TASOR2: variants seen among roughly 807,000 people sequenced by gnomAD.
TASOR2 encodes the protein transcription activation suppressor family member 2.
Under a neutral mutation model 199.5 loss-of-function variants are expected in TASOR2, and 84 were observed. The ratio of observed to expected loss-of-function variants is 0.42; its 90% CI spans 0.35 to 0.50. The LOEUF (loss-of-function observed/expected upper bound fraction) is 0.50, where lower values mean the gene tolerates loss of function less well. TASOR2 is among the 20% of genes least tolerant of loss of function. The pLI is 0.02. For synonymous variants in TASOR2, 1,103 were observed against 1,046.6 expected (o/e 1.05, Z -1.04); for missense variants, 2,796 against 2,835.9 (o/e 0.99, Z 0.32).
chr10:5,758,881 T>C lies in TASOR2; in HGVS notation c.6887-6T>C, dbSNP rs373485450. On this transcript the variant is annotated splice_polypyrimidine_tract_variant and splice_region_variant and intron_variant, in intron 17 of 20. Transcript: ENST00000328090. ...ATCTTCTTTTGCTACATTTATTGTT[T>C]TGTAGTTCAACTGAAGGAAATTATC... is the stretch of plus-strand genomic sequence containing the variant. 6.3e-7 allele frequency: 1 copy of C among 1,595,014 alleles called. No homozygotes were observed. The highest frequency in any genetic ancestry group is 1.3e-5 in the African/African-American group (1 of 74,666).
At chr10:5,734,325 A>C (rs1835256117) in intron 11 of TASOR2, among the ~76,000 whole-genome samples, 1 of 152,224 alleles carries the variant, frequency 6.6e-6, no homozygotes. Flanking sequence ...ACCATTGTGT[A>C]AGATAGTAGA....
intron 10 of TASOR2, among the ~76,000 whole-genome samples, chr10:5,729,361 A>G (rs1834488966): frequency 6.6e-6 from 1 of 151,846 alleles, no homozygotes; most frequent in Non-Finnish European, 1.5e-5. Flanking sequence ...AAAACAAAAC[A>G]AAACAACAAA....
intron 15 of TASOR2, among the ~76,000 whole-genome samples, chr10:5,753,715 TTG>T (rs1047087845): frequency 6.6e-6 from 1 of 152,196 alleles, no homozygotes; most frequent in African/African-American, 2.4e-5. Flanking sequence ...ATTCCCTCTG[TTG>T]TCTTTGCTCC....
chr10:5,730,241 T>TAGTG lies in TASOR2; in HGVS notation c.488-244_488-241dup, dbSNP rs902334174. ...AGGGTTTAGTTTACTTGTTCTAACCTAGTGATTGCATGTCAGATGATTCTT... is the reference window on the plus strand; with the variant it reads ...AGGGTTTAGTTTACTTGTTCTAACCTAGTGAGTGATTGCATGTCAGATGATTCTT... On this transcript the variant is annotated intron_variant, in intron 10 of 20. Transcript: ENST00000328090. The surrounding 1 kb of genome is among the most constrained non-coding windows in gnomAD (Gnocchi z 4.1). Among the ~76,000 whole-genome samples the TAGTG allele has an allele frequency of 7.2e-5, 11 of 152,204 alleles. No individual in the cohort carries two copies. The highest frequency in any genetic ancestry group is 2.7e-4 in the African/African-American group (11 of 41,444).
rs1341600129 is a variant in TASOR2 at position 5,754,395 on chromosome 10, T to A, written c.6607-2218T>A. On this transcript the variant is annotated intron_variant, in intron 15 of 20. Transcript: ENST00000328090. This position sits in a 1 kb window ranked among gnomAD's most constrained non-coding sequence, Gnocchi z 4.3. ...TTTTATTCATAGCAGAAGTACTTTT[T>A]TTTTTTTAATTGAGATGAAGTTTTG... 1.3e-5 allele frequency among the ~76,000 whole-genome samples: 2 copies of A among 152,234 alleles called. No homozygotes were observed. The highest frequency in any genetic ancestry group is 2.1e-4 in the South Asian group (1 of 4,816).
At chr10:5,758,289 C>G (rs1043502387) in intron 17 of TASOR2, among the ~76,000 whole-genome samples, 2 of 152,106 alleles carry the variant, frequency 1.3e-5, no homozygotes, top group Non-Finnish European at 2.9e-5. Flanking sequence ...GTCTGTAATC[C>G]CAACACTTTG....
chr10:5,749,002 G>A, exon 15 of TASOR2: 1 of 1,614,148 alleles, frequency 6.2e-7, no homozygotes, highest in Non-Finnish European at 8.5e-7. Flanking sequence ...GAAAAAAGAT[G>A]TTCCCACAGA....
intron 10 of TASOR2, 134 bp downstream of exon 11, chr10:5,727,257 G>A: frequency 1.1e-6 from 1 of 879,760 alleles, no homozygotes; most frequent in Non-Finnish European, 1.8e-6. Context: ...AACATCACTG[G>A]TTCACCCTTC....
rs1411900651 is a variant in TASOR2 at position 5,763,320 on chromosome 10, GTTTAC to G, written c.*291_*295del. 13 of 315,222 alleles carry G rather than the reference GTTTAC, an allele frequency of 4.1e-5. No homozygotes were observed. The South Asian group carries it at 7.8e-4, about 19-fold the overall frequency. The allele number at this position is 315,222 out of a possible 1,614,324, so 19.5% of individuals were successfully genotyped here. On this transcript the variant is annotated 3_prime_UTR_variant, in exon 21 of 21. Transcript: ENST00000328090. ...GAGCTTATTAAAAATAATTTTACAT[GTTTAC>G]TTAGTTGGAGCAAAAATAAGTCTAT...
At chr10:5,726,193 T>A (rs191484609) in intron 8 of TASOR2, among the ~76,000 whole-genome samples, 10 of 152,268 alleles carry the variant, frequency 6.6e-5, no homozygotes, top group Admixed American at 5.9e-4. Context: ...AACTATTAAA[T>A]TCATGATTTA....
chr10:5,718,066 A>AT (rs1437879130), intron 3 of TASOR2, among the ~76,000 whole-genome samples: 1 of 152,190 alleles, frequency 6.6e-6, no homozygotes, highest in Non-Finnish European at 1.5e-5. Flanking sequence ...GATTACACTT[A>AT]TAAAAGATGA....
At chr10:5,700,344 T>C (rs984822915) in intron 1 of TASOR2, among the ~76,000 whole-genome samples, 2 of 152,176 alleles carry the variant, frequency 1.3e-5, no homozygotes, top group Non-Finnish European at 2.9e-5. Context: ...TGATGGACAC[T>C]GAGGTTGATT....
intron 1 of TASOR2, among the ~76,000 whole-genome samples, chr10:5,704,430 A>G (rs1333773883): frequency 6.6e-6 from 1 of 152,006 alleles, no homozygotes; most frequent in East Asian, 1.9e-4. Flanking sequence ...TTCTATAAAA[A>G]TTGTTTCTAT....
Position 5,730,565 on chromosome 10 carries a change from T to A in TASOR2, c.566T>A (p.Leu189Gln). 6.2e-7 allele frequency: 1 copy of A among 1,614,194 alleles called. No homozygotes were observed. Among genetic ancestry groups the A allele is most frequent in the Admixed American group, 1.7e-5 (1 of 60,012 alleles). The stretch of plus-strand genomic sequence containing the variant: ...TTATCTACCCTTAATTGTGCCCTGC[T>A]AGAAACAAAGAAATCACTTCCTGAA... The change falls in exon 11 of 21, where the codon CTA becomes CAA. Residue 189 changes from leucine (L) to glutamine (Q), a missense_variant. Transcript: ENST00000328090. The surrounding 1 kb of genome is among the most constrained non-coding windows in gnomAD (Gnocchi z 4.1).
chr10:5,736,879 A>G (rs1835681854), intron 12 of TASOR2, among the ~76,000 whole-genome samples: 1 of 151,792 alleles, frequency 6.6e-6, no homozygotes, highest in Non-Finnish European at 1.5e-5. Flanking sequence ...GGTTTTCCTG[A>G]TTCTACTTTC....
intron 2 of TASOR2, 79 bp from the exon 3 acceptor site, chr10:5,714,056 A>G: frequency 3.8e-6 from 2 of 532,896 alleles, no homozygotes; most frequent in Non-Finnish European, 5.0e-6. Context: ...AAAAAATAAA[A>G]TTAAAAAAAA....
In TASOR2 at chr10:5,720,515, C is replaced by T; in HGVS notation, c.-99-29C>T. 1.3e-6 allele frequency: 2 copies of T among 1,537,082 alleles called. No individual in the cohort carries two copies. Among genetic ancestry groups the T allele is most frequent in the South Asian group, 2.5e-5 (2 of 81,352 alleles). ...TACATATGCAGTTCCATAGTGCTAC[C>T]CTGATAATACTTATTTTTCCTCTTT... is the stretch of plus-strand genomic sequence containing the variant. On this transcript the variant is annotated intron_variant, in intron 3 of 20. Transcript: ENST00000328090. This position sits in a 1 kb window ranked among gnomAD's most constrained non-coding sequence, Gnocchi z 5.3.
chr10:5,747,391 G>C (rs1408683888), exon 15 of TASOR2: 1 of 1,614,152 alleles, frequency 6.2e-7, no homozygotes, highest in South Asian at 1.1e-5. Flanking sequence ...TGAGGAAATA[G>C]GTGAACCGGA....
intron 1 of TASOR2, among the ~76,000 whole-genome samples, chr10:5,704,223 CAAAA>C (rs58311711): frequency 1.5e-5 from 2 of 131,898 alleles, no homozygotes; most frequent in Admixed American, 7.5e-5. Context: ...GACTCCATCT[CAAAA>C]AAAAAAAAAA....
Sources: allele counts gnomAD v4.1 joint callset (sites outside exome capture counted in the v4.1 genomes callset), GRCh38; gene constraint gnomAD v4.1.1; non-coding constraint Gnocchi (gnomAD v3.1); transcripts MANE v1.5; gene names NCBI Gene and HGNC (gene_info 2026-07-23, HGNC 2026-07-21).